ERICH1: variants seen among roughly 807,000 people sequenced by gnomAD.
ERICH1 encodes glutamate rich 1.
A neutral mutation model predicts 39.6 loss-of-function variants in ERICH1; 56 were observed. That is an observed-to-expected ratio of 1.41 (90% CI 1.14 to 1.77). ERICH1 has a LOEUF of 1.77. Among genes scored for constraint, ERICH1 ranks in the 40% most tolerant of loss-of-function variants. ERICH1 has a pLI of 0.00. For missense variants in ERICH1, 826 were observed against 575.4 expected (o/e 1.44, Z -4.45); for synonymous variants, 313 against 223.6 (o/e 1.40, Z -3.57).
chr8:677,143 G>T (rs1265986488), intron 3 of ERICH1, among the ~76,000 whole-genome samples: 1 of 152,218 alleles, frequency 6.6e-6, no homozygotes, highest in African/African-American at 2.4e-5. Context: ...GCCAGCTGCG[G>T]ACACCGCAAG....
At chr8:678,566 T>G (rs1043048252) in intron 3 of ERICH1, among the ~76,000 whole-genome samples, 1 of 152,194 alleles carries the variant, frequency 6.6e-6, no homozygotes, top group African/African-American at 2.4e-5. Context: ...AGAAAAAGTC[T>G]TGGGAGGCCG....
chr8:670,602 C>T (rs549240315), intron 4 of ERICH1, among the ~76,000 whole-genome samples: 19 of 152,320 alleles, frequency 1.2e-4, no homozygotes, highest in African/African-American at 4.1e-4. Context: ...CAGGCCGATC[C>T]TCATCTCATC....
intron 3 of ERICH1, among the ~76,000 whole-genome samples, chr8:618,087 C>T (rs1035935191): frequency 6.6e-6 from 1 of 150,804 alleles, no homozygotes; most frequent in Non-Finnish European, 1.5e-5. Flanking sequence ...GTGATTGGTG[C>T]TCAGTCCATC....
intron 3 of ERICH1, among the ~76,000 whole-genome samples, chr8:688,116 G>A (rs1381170787): frequency 1.3e-5 from 2 of 152,210 alleles, no homozygotes; most frequent in African/African-American, 4.8e-5. Flanking sequence ...ACGGGAGACA[G>A]GAGAGGAGGG....
intron 2 of ERICH1, among the ~76,000 whole-genome samples, chr8:705,322 C>T (rs184065463): frequency 6.6e-6 from 1 of 152,256 alleles, no homozygotes; most frequent in Admixed American, 6.5e-5. Flanking sequence ...ACGGACACTG[C>T]GCGATGGCCC....
intron 4 of ERICH1, 163 bp from the exon 5 acceptor site, chr8:668,955 C>G (rs1304931400): frequency 1.5e-6 from 1 of 682,326 alleles, no homozygotes; most frequent in East Asian, 2.7e-5. Context: ...GAACAGAGCT[C>G]AGCACAAAAT....
intron 1 of ERICH1, among the ~76,000 whole-genome samples, chr8:724,828 G>A (rs555967839): frequency 2.0e-5 from 3 of 152,270 alleles, no homozygotes; most frequent in South Asian, 2.1e-4. Context: ...GCTCACTGAG[G>A]AACGCTATCA....
At chr8:724,859 C>T (rs1818210411) in intron 1 of ERICH1, among the ~76,000 whole-genome samples, 2 of 152,186 alleles carry the variant, frequency 1.3e-5, no homozygotes, top group South Asian at 2.1e-4. Context: ...ACCCAGAACC[C>T]GGGAAGCAGC....
At chr8:707,722 G>T (rs1813636687) in intron 2 of ERICH1, among the ~76,000 whole-genome samples, 1 of 152,114 alleles carries the variant, frequency 6.6e-6, no homozygotes, top group Admixed American at 6.5e-5. Flanking sequence ...AAATCTTTGT[G>T]GCCTTTGATT....
In ERICH1 at chr8:668,626, C is replaced by G. The variant is rs144057545; in HGVS notation, c.1230G>C (p.Met410Ile). 1 of 1,614,092 alleles carries G rather than the reference C, an allele frequency of 6.2e-7. No homozygotes were observed. The highest frequency in any genetic ancestry group is 2.2e-5 in the East Asian group (1 of 44,892). Residue 410 changes from methionine to isoleucine, a missense_variant, in exon 5 of 6, where the codon ATG (methionine) becomes ATC (isoleucine). Physicochemically the swap from Met to Ile is conservative, Grantham distance 10. Transcript: ENST00000262109. ...GAGGCATCGTGCAATGTTCTGGGAA[C>G]ATTTCCAGAGCATGCTTCAATCTCT... ...DTERLKHALEMFPEHCTMPPD... is the reference protein window; with the variant it reads ...DTERLKHALEIFPEHCTMPPD...
At chr8:640,147 C>G (rs140026173) in intron 3 of ERICH1, among the ~76,000 whole-genome samples, 1 of 152,194 alleles carries the variant, frequency 6.6e-6, no homozygotes, top group African/African-American at 2.4e-5. Flanking sequence ...AGTGGCAGAA[C>G]TGGGAGATAA....
At chr8:706,788 C>A (rs1308590039) in intron 2 of ERICH1, among the ~76,000 whole-genome samples, 1 of 152,012 alleles carries the variant, frequency 6.6e-6, no homozygotes, top group Non-Finnish European at 1.5e-5. Flanking sequence ...ACAACAACAA[C>A]AAAAAGATAA....
At chr8:715,164 C>G (rs1438143317) in intron 2 of ERICH1, among the ~76,000 whole-genome samples, 1 of 152,148 alleles carries the variant, frequency 6.6e-6, no homozygotes, top group East Asian at 1.9e-4. Flanking sequence ...CCCAGGTGGC[C>G]TCTTCCCGCA....
intron 3 of ERICH1, among the ~76,000 whole-genome samples, chr8:641,657 T>C (rs551900037): frequency 6.6e-6 from 1 of 152,342 alleles, no homozygotes; most frequent in East Asian, 1.9e-4. Flanking sequence ...ATCTAATCAG[T>C]GGAGAACGCA....
intron 3 of ERICH1, among the ~76,000 whole-genome samples, chr8:652,421 C>T (rs1484057822): frequency 3.9e-5 from 6 of 152,192 alleles, no homozygotes; most frequent in Non-Finnish European, 8.8e-5. Context: ...GAAAGATGTG[C>T]TGGGGACAGT....
intron 3 of ERICH1, among the ~76,000 whole-genome samples, chr8:635,963 C>G (rs768137390): frequency 6.6e-6 from 1 of 152,250 alleles, no homozygotes; most frequent in Non-Finnish European, 1.5e-5. Flanking sequence ...GCCGTTCAAC[C>G]AGGGCGAGAA....
chr8:696,928 C>T (rs995300340), intron 2 of ERICH1, among the ~76,000 whole-genome samples: 1 of 150,444 alleles, frequency 6.6e-6, no homozygotes, highest in African/African-American at 2.4e-5. Context: ...AGCCTGTACT[C>T]GCTTCTCTCA....
At chr8:633,253 A>G (rs1172783042) in intron 3 of ERICH1, among the ~76,000 whole-genome samples, 1 of 152,190 alleles carries the variant, frequency 6.6e-6, no homozygotes. Context: ...AACCCCTCAC[A>G]TTCAAGCACA....
rs1265511186 is a variant in ERICH1, at chr8:692,620, A to G, written c.170-8T>C. The G allele has an allele frequency of 6.4e-6, 10 of 1,568,386 alleles. No individual in the cohort carries two copies. The Admixed American group carries it at 2.0e-4, about 31-fold the overall frequency. On this transcript the variant is annotated splice_region_variant and splice_polypyrimidine_tract_variant and intron_variant, in intron 2 of 5. Coordinates refer to ENST00000262109, the MANE Select transcript of ERICH1 (RefSeq NM_207332.3). ...GGGTCTCAGAGCCAGTGTCTGCAAC[A>G]CAGGAGGAAAATAACAGGAACTGGT...
Sources: allele counts gnomAD v4.1 joint callset (sites outside exome capture counted in the v4.1 genomes callset), GRCh38; gene constraint gnomAD v4.1.1; transcripts MANE v1.5; gene names NCBI Gene and HGNC (gene_info 2026-07-23, HGNC 2026-07-21).